The following PCDH11X variants were observed in gnomAD, a reference collection of about 807,000 sequenced individuals.
The protein encoded by PCDH11X is protocadherin-11 X-linked.
Under a neutral mutation model 53.3 loss-of-function variants are expected in PCDH11X, and 18 were observed. That is an observed-to-expected ratio of 0.34 (90% confidence interval 0.23 to 0.50). The LOEUF is 0.50. PCDH11X is among the 20% of genes least tolerant of loss of function. PCDH11X has a pLI of 0.98. For missense variants in PCDH11X, 570 were observed against 1,032.4 expected (o/e 0.55, Z 6.14); for synonymous variants, 279 against 393.3 (o/e 0.71, Z 3.44).
At chrX:91,962,088 G>A (rs761406998) in intron 6 of PCDH11X, among the ~76,000 whole-genome samples, 8 of 103,966 alleles carry the variant, frequency 7.7e-5, no homozygotes, top group South Asian at 4.8e-4. Flanking sequence ...ATTCCACCCC[G>A]GCCCCTTCCA....
chrX:92,098,220 G>A (rs2064173288), intron 6 of PCDH11X, among the ~76,000 whole-genome samples: 1 of 110,286 alleles, frequency 9.1e-6, no homozygotes, highest in Non-Finnish European at 1.9e-5. Flanking sequence ...ACTAATCTAA[G>A]TAACCAAAAC....
intron 7 of PCDH11X, among the ~76,000 whole-genome samples, chrX:92,255,376 T>C (rs1226826723): frequency 1.0e-5 from 1 of 99,412 alleles, no homozygotes; most frequent in East Asian, 3.0e-4. Context: ...CTTCTTTGCC[T>C]TTGGTTTGAA....
chrX:92,273,992 G>C (rs1297620994), intron 8 of PCDH11X, among the ~76,000 whole-genome samples: 1 of 108,519 alleles, frequency 9.2e-6, no homozygotes, highest in Admixed American at 9.9e-5. Flanking sequence ...GTGTAAACCG[G>C]CAGTGTCAAC....
chrX:92,064,748 C>T (rs1200956460), intron 6 of PCDH11X, among the ~76,000 whole-genome samples: 3 of 109,407 alleles, frequency 2.7e-5, no homozygotes, highest in Non-Finnish European at 3.8e-5. Flanking sequence ...TTTTGTTTTT[C>T]TCCCCGGGGG....
At chrX:92,115,792 C>T (rs1481861282) in intron 6 of PCDH11X, among the ~76,000 whole-genome samples, 2 of 109,485 alleles carry the variant, frequency 1.8e-5, no homozygotes, top group African/African-American at 6.7e-5. Context: ...CCTTTTCTAG[C>T]TGCGCTGGCA....
At chrX:91,810,942 G>T (rs1331806332) in intron 3 of PCDH11X, among the ~76,000 whole-genome samples, 3 of 111,911 alleles carry the variant, frequency 2.7e-5, no homozygotes, top group Middle Eastern at 4.6e-3. Flanking sequence ...AATAGCAGTT[G>T]GTGGGGAGGG....
At chrX:91,921,060 C>T (rs967699508) in intron 6 of PCDH11X, among the ~76,000 whole-genome samples, 5 of 111,876 alleles carry the variant, frequency 4.5e-5, no homozygotes, top group African/African-American at 1.3e-4. Context: ...CACAAAGCTT[C>T]CAGTGATGGT....
chrX:92,287,758 G>A (rs2068408025), intron 8 of PCDH11X, among the ~76,000 whole-genome samples: 1 of 111,675 alleles, frequency 9.0e-6, no homozygotes, highest in East Asian at 2.8e-4. Context: ...GATCTGATAT[G>A]GTTTAGCTCT....
At chrX:92,596,592 C>T (rs1287395465) in intron 10 of PCDH11X, among the ~76,000 whole-genome samples, 1 of 100,472 alleles carries the variant, frequency 1.0e-5, no homozygotes, top group Admixed American at 1.1e-4. Flanking sequence ...TATAAAAGCC[C>T]AAGACCTGAT....
intron 6 of PCDH11X, among the ~76,000 whole-genome samples, chrX:92,099,650 T>C (rs143592840): frequency 0.021 from 2,348 of 111,617 alleles, 62 homozygotes; most frequent in African/African-American, 0.072. Flanking sequence ...AAACAATACA[T>C]GTTTTGAGTT....
intron 4 of PCDH11X, among the ~76,000 whole-genome samples, chrX:91,823,225 T>A: frequency 9.0e-6 from 1 of 110,865 alleles, no homozygotes. Context: ...TTCCTGGGTA[T>A]CCTTGTTGAC....
intron 6 of PCDH11X, among the ~76,000 whole-genome samples, chrX:91,932,851 C>T (rs577258573): frequency 1.5e-4 from 17 of 111,578 alleles, no homozygotes; most frequent in African/African-American, 5.2e-4. Context: ...TTCATGAATA[C>T]GTTACAAGTA....
Position 92,231,225 on chromosome X carries a change from T to A in PCDH11X, c.3114+29770T>A, listed in dbSNP as rs901734961. Among the ~76,000 whole-genome samples, 3 of 111,518 alleles carry A rather than the reference T, an allele frequency of 2.7e-5. No individual in the cohort carries two copies. The Admixed American group carries it at 2.9e-4, about 11-fold the overall frequency. ...GATGGGAATATTTTTTTGGTTTGTT[T>A]TCCAAAATGTGCCCATTTTGAGGTA... On this transcript the variant is annotated intron_variant, in intron 7 of 10. Transcript: ENST00000682573.
intron 6 of PCDH11X, chrX:91,883,816 A>T (rs1432301531): frequency 1.3e-6 from 1 of 746,148 alleles, no homozygotes; most frequent in Non-Finnish European, 1.6e-6. Flanking sequence ...AAAAGAAAAA[A>T]ATGTTCAATG....
chrX:92,491,174 C>T (rs1569495441), intron 10 of PCDH11X, among the ~76,000 whole-genome samples: 1 of 110,308 alleles, frequency 9.1e-6, no homozygotes, highest in Non-Finnish European at 1.9e-5. Flanking sequence ...TTCCCAGAAT[C>T]GTAGTTCAAA....
intron 8 of PCDH11X, among the ~76,000 whole-genome samples, chrX:92,310,409 G>T (rs1257706752): frequency 9.0e-6 from 1 of 111,385 alleles, no homozygotes; most frequent in Non-Finnish European, 1.9e-5. Flanking sequence ...TTTATTTATT[G>T]TATTTTATTT....
intron 10 of PCDH11X, among the ~76,000 whole-genome samples, chrX:92,595,051 C>A (rs905832026): frequency 9.0e-6 from 1 of 110,524 alleles, no homozygotes; most frequent in Admixed American, 9.7e-5. Flanking sequence ...CGATAAGAAT[C>A]TTTTTTCTTT....
At chrX:92,232,861 G>A (rs910714733) in intron 7 of PCDH11X, among the ~76,000 whole-genome samples, 8 of 111,203 alleles carry the variant, frequency 7.2e-5, no homozygotes, top group African/African-American at 2.0e-4. Context: ...GACTATAGGC[G>A]CCCGCCACCA....
intron 10 of PCDH11X, among the ~76,000 whole-genome samples, chrX:92,589,220 A>G (rs1924748955): frequency 9.0e-6 from 1 of 111,169 alleles, no homozygotes; most frequent in Admixed American, 9.6e-5. Context: ...TTGAATCAGA[A>G]AGAAAATATT....
Sources: gnomAD v4.1 joint callset for allele counts (sites outside exome capture counted in the v4.1 genomes callset) on GRCh38, gnomAD v4.1.1 for gene constraint, MANE v1.5 for transcripts, NCBI Gene and HGNC (gene_info 2026-07-23, HGNC 2026-07-21) for gene names.